PLCE1: variants seen among roughly 807,000 people sequenced by gnomAD.
PLCE1 encodes the protein 1-phosphatidylinositol 4,5-bisphosphate phosphodiesterase epsilon-1.
A neutral mutation model predicts 242.8 loss-of-function variants in PLCE1; 119 were observed. The ratio of observed to expected loss-of-function variants is 0.49; its 90% CI spans 0.42 to 0.57. The LOEUF (loss-of-function observed/expected upper bound fraction) is 0.57, where lower values mean the gene tolerates loss of function less well. PLCE1 is among the 20% of genes least tolerant of loss of function. The pLI is 0.00. For synonymous variants in PLCE1, 945 were observed against 1,017.4 expected (o/e 0.93, Z 1.35); for missense variants, 2,441 against 2,788.8 (o/e 0.88, Z 2.81).
chr10:94,037,338 G>A (rs545266978), intron 2 of PLCE1, among the ~76,000 whole-genome samples: 4 of 152,282 alleles, frequency 2.6e-5, no homozygotes, highest in African/African-American at 7.2e-5. Flanking sequence ...CTTCTGAGTT[G>A]TAATTTTTAT....
intron 22 of PLCE1, among the ~76,000 whole-genome samples, chr10:94,288,349 C>G (rs1052960181): frequency 2.0e-5 from 3 of 152,210 alleles, no homozygotes; most frequent in African/African-American, 7.2e-5. Flanking sequence ...ACAAGATCAT[C>G]AGATAAGATC....
At chr10:94,227,563 T>TGATTAAC (rs1273290599) in intron 5 of PLCE1, 112 bp downstream of exon 5, 1 of 972,366 alleles carries the variant, frequency 1.0e-6, no homozygotes, top group Non-Finnish European at 1.7e-6. Flanking sequence ...TAACTGGAAA[T>TGATTAAC]GATTAACTTG....
intron 1 of PLCE1, among the ~76,000 whole-genome samples, chr10:94,015,813 C>T (rs1476685189): frequency 1.3e-5 from 2 of 152,198 alleles, no homozygotes; most frequent in Non-Finnish European, 2.9e-5. Context: ...AGACCAGCCT[C>T]AAACCCAGCT....
intron 2 of PLCE1, among the ~76,000 whole-genome samples, chr10:94,047,367 G>A (rs767420098): frequency 1.2e-4 from 19 of 152,154 alleles, no homozygotes; most frequent in Non-Finnish European, 2.4e-4. Flanking sequence ...AAAGTGTTCC[G>A]CCATAAGAAA....
intron 2 of PLCE1, among the ~76,000 whole-genome samples, chr10:94,043,734 C>A (rs1357681232): frequency 1.3e-5 from 2 of 152,210 alleles, no homozygotes; most frequent in Non-Finnish European, 2.9e-5. Context: ...AAGAAAATGG[C>A]TTCAGACCCT....
chr10:94,050,723 AT>A (rs940087893), intron 2 of PLCE1, among the ~76,000 whole-genome samples: 1 of 152,198 alleles, frequency 6.6e-6, no homozygotes, highest in African/African-American at 2.4e-5. Context: ...AAACAAAAAA[AT>A]AATTATCTAG....
At chr10:94,285,753 C>A (rs915111025) in intron 22 of PLCE1, among the ~76,000 whole-genome samples, 22 of 152,158 alleles carry the variant, frequency 1.4e-4, no homozygotes, top group Non-Finnish European at 7.3e-5. Flanking sequence ...GTCACATTCT[C>A]CACTCTGAGC....
At chr10:94,287,759 T>A (rs1157502339) in intron 22 of PLCE1, among the ~76,000 whole-genome samples, 1 of 152,174 alleles carries the variant, frequency 6.6e-6, no homozygotes, top group Non-Finnish European at 1.5e-5. Flanking sequence ...GGTATTTTTA[T>A]TTTATGACCC....
At chr10:94,220,730 T>C (rs954580349) in intron 4 of PLCE1, among the ~76,000 whole-genome samples, 2 of 152,150 alleles carry the variant, frequency 1.3e-5, no homozygotes, top group African/African-American at 4.8e-5. Flanking sequence ...CTAAGCATCA[T>C]GCTGAGATCT....
chr10:94,258,786 T>C lies in PLCE1; in HGVS notation c.3555-14T>C. 6.2e-7 allele frequency: 1 copy of C among 1,614,040 alleles called. No individual in the cohort carries two copies. Among genetic ancestry groups the C allele is most frequent in the Admixed American group, 1.7e-5 (1 of 60,024 alleles). ...CCTGCCCTTGTGCCCATGAAGGCCT[T>C]GTCTTTGTTGCAGTGCTTGGAGCAG... is the stretch of plus-strand genomic sequence containing the variant. On this transcript the variant is annotated splice_polypyrimidine_tract_variant and intron_variant, in intron 11 of 32. Coordinates refer to ENST00000371380, the MANE Select transcript of PLCE1 (RefSeq NM_016341.4).
chr10:94,123,590 A>G (rs1401917257), intron 2 of PLCE1, among the ~76,000 whole-genome samples: 4 of 152,206 alleles, frequency 2.6e-5, no homozygotes, highest in African/African-American at 7.2e-5. Flanking sequence ...AGCTGCTGCA[A>G]CTACCCCCTC....
chr10:94,071,495 G>GTTTTTGTTTTTTT (rs2044352147), intron 2 of PLCE1, among the ~76,000 whole-genome samples: 1 of 83,316 alleles, frequency 1.2e-5, no homozygotes, highest in African/African-American at 5.4e-5. Flanking sequence ...TTTGGTTTTC[G>GTTTTTGTTTTTTT]TTTTTTTTTT....
At chr10:94,049,985 A>T (rs1256419857) in intron 2 of PLCE1, among the ~76,000 whole-genome samples, 1 of 152,158 alleles carries the variant, frequency 6.6e-6, no homozygotes, top group African/African-American at 2.4e-5. Context: ...CATTTCATGA[A>T]TATCCCACTC....
At chr10:94,073,829 A>C (rs1404389187) in intron 2 of PLCE1, among the ~76,000 whole-genome samples, 1 of 152,222 alleles carries the variant, frequency 6.6e-6, no homozygotes, top group Admixed American at 6.5e-5. Flanking sequence ...CGGTGCTGCA[A>C]CCAAGGAGAT....
intron 1 of PLCE1, among the ~76,000 whole-genome samples, 140 bp from the exon 2 acceptor site, chr10:94,030,543 T>A (rs2061536912): frequency 6.6e-6 from 1 of 151,736 alleles, no homozygotes; most frequent in Non-Finnish European, 1.5e-5. Context: ...AAAAAAAAAA[T>A]ACTAAAAACA....
chr10:94,017,795 G>A (rs2061308249), intron 1 of PLCE1, among the ~76,000 whole-genome samples: 1 of 152,170 alleles, frequency 6.6e-6, no homozygotes, highest in South Asian at 2.1e-4. Flanking sequence ...TTTGCTTAGT[G>A]TGATGATAAA....
chr10:94,089,715 T>C (rs1446135735), intron 2 of PLCE1, among the ~76,000 whole-genome samples: 16 of 152,230 alleles, frequency 1.1e-4, no homozygotes, highest in Admixed American at 9.8e-4. Flanking sequence ...TGGTATATTA[T>C]GTATCAACAT....
intron 4 of PLCE1, among the ~76,000 whole-genome samples, chr10:94,223,821 C>T (rs1195354573): frequency 1.3e-5 from 2 of 152,138 alleles, no homozygotes; most frequent in African/African-American, 4.8e-5. Context: ...AACCATAGTA[C>T]TTTATATTTA....
chr10:94,313,664 G>C (rs1322047817), intron 28 of PLCE1, among the ~76,000 whole-genome samples: 1 of 152,136 alleles, frequency 6.6e-6, no homozygotes, highest in Admixed American at 6.6e-5. Context: ...GCTCTAGAAT[G>C]ATAAAGACCG....
Sources: gnomAD v4.1 joint callset for allele counts (sites outside exome capture counted in the v4.1 genomes callset) on GRCh38, gnomAD v4.1.1 for gene constraint, MANE v1.5 for transcripts, NCBI Gene and HGNC (gene_info 2026-07-23, HGNC 2026-07-21) for gene names.